The following TSHZ2 variants were observed in gnomAD, a reference collection of about 807,000 sequenced individuals.
TSHZ2 encodes the protein teashirt homolog 2.
Under a neutral mutation model 74.4 loss-of-function variants are expected in TSHZ2, and 21 were observed. The ratio of observed to expected loss-of-function variants is 0.28; its 90% confidence interval spans 0.20 to 0.41. TSHZ2 has a LOEUF of 0.41. TSHZ2 is among the 10% of genes least tolerant of loss of function. The probability of loss-of-function intolerance (pLI) is 1.00; values close to 1 mark genes in which losing one functional copy is unlikely to be tolerated. For missense variants in TSHZ2, 1,244 were observed against 1,293.5 expected (o/e 0.96, Z 0.59); for synonymous variants, 540 against 515.3 (o/e 1.05, Z -0.65).
intron 1 of TSHZ2, among the ~76,000 whole-genome samples, chr20:53,063,777 C>T (rs1984893191): frequency 3.3e-5 from 5 of 152,044 alleles, no homozygotes; most frequent in South Asian, 2.1e-4. Flanking sequence ...TGTCAGCAAC[C>T]GAATATTTGG....
intron 2 of TSHZ2, among the ~76,000 whole-genome samples, chr20:53,390,405 T>A (rs1182765215): frequency 6.6e-6 from 1 of 152,146 alleles, no homozygotes; most frequent in Non-Finnish European, 1.5e-5. Context: ...TAGGACATAT[T>A]CCAAGAGCCA....
intron 1 of TSHZ2, among the ~76,000 whole-genome samples, chr20:53,227,355 G>A (rs1600753457): frequency 6.6e-6 from 1 of 151,956 alleles, no homozygotes; most frequent in Admixed American, 6.6e-5. Context: ...GCACACAATG[G>A]CAAGCGTTCT....
intron 1 of TSHZ2, among the ~76,000 whole-genome samples, chr20:53,241,000 A>G (rs945323870): frequency 6.6e-6 from 1 of 152,142 alleles, no homozygotes; most frequent in African/African-American, 2.4e-5. Flanking sequence ...GTCTTCCCCA[A>G]CTTTCCTGTC....
At chr20:53,343,060 G>A (rs1177589477) in intron 2 of TSHZ2, among the ~76,000 whole-genome samples, 6 of 139,564 alleles carry the variant, frequency 4.3e-5, no homozygotes, top group African/African-American at 1.1e-4. Flanking sequence ...TCCGCCTCCC[G>A]GGTTCAAGCG....
chr20:53,422,467 A>T (rs535494688), intron 2 of TSHZ2, among the ~76,000 whole-genome samples: 1 of 152,154 alleles, frequency 6.6e-6, no homozygotes, highest in African/African-American at 2.4e-5. Context: ...GAAAGGAAAA[A>T]CTCACAGCAA....
In TSHZ2 at chr20:53,036,778, T is replaced by C. The variant is rs573534320; in HGVS notation, c.40+63445T>C. Among the ~76,000 whole-genome samples the C allele has an allele frequency of 4.5e-4, 66 of 148,238 alleles. 1 individual carries two copies. In the South Asian group the frequency reaches 0.012, roughly 28 times the overall value. ...TATATTACATAAAGTATATATTATATATTTTAAAAGCATGTAACAATACAT... is the reference window on the plus strand; with the variant it reads ...TATATTACATAAAGTATATATTATACATTTTAAAAGCATGTAACAATACAT... On this transcript the variant is annotated intron_variant, in intron 1 of 2. Transcript: ENST00000371497.
At chr20:53,478,512 TAGGGTGG>T (rs1287362157) in intron 2 of TSHZ2, among the ~76,000 whole-genome samples, 3 of 78,356 alleles carry the variant, frequency 3.8e-5, no homozygotes, top group African/African-American at 1.5e-4. Flanking sequence ...GGGACTGTTG[TAGGGTGG>T]GGGGAGGGGG....
chr20:53,083,822 TGAA>T (rs1308891582), intron 1 of TSHZ2, among the ~76,000 whole-genome samples: 7 of 151,616 alleles, frequency 4.6e-5, no homozygotes, highest in African/African-American at 1.7e-4. Flanking sequence ...ATTGATAACT[TGAA>T]GAGGGAATGT....
At chr20:53,483,983 G>A (rs1025017206) in intron 2 of TSHZ2, among the ~76,000 whole-genome samples, 2 of 152,178 alleles carry the variant, frequency 1.3e-5, no homozygotes, top group Admixed American at 6.5e-5. Context: ...GGCCTGGTGT[G>A]AAACAGTCCT....
rs79436552 is a variant in TSHZ2, at chr20:53,251,183, A to G, written c.41-2316A>G. The stretch of plus-strand genomic sequence containing the variant: ...TTACGTTACCCACAGGTGTTGTCAC[A>G]TGTCTTAGTTGGCCTGGAACATCCT... On this transcript the variant is annotated intron_variant, in intron 1 of 2. Transcript: ENST00000371497. Among the ~76,000 whole-genome samples the G allele has an allele frequency of 5.3e-3, 807 of 152,248 alleles. 13 individuals are homozygous for G. The highest frequency in any genetic ancestry group is 0.019 in the African/African-American group (772 of 41,524).
intron 1 of TSHZ2, among the ~76,000 whole-genome samples, chr20:53,050,109 A>ATATATATATATATACACATATATATATG (rs1984380447): frequency 5.2e-5 from 5 of 95,534 alleles, no homozygotes; most frequent in African/African-American, 3.9e-4. Flanking sequence ...GTGTGTATAT[A>ATATATATATATATACACATATATATATG]TATATATATA....
intron 1 of TSHZ2, among the ~76,000 whole-genome samples, chr20:53,225,119 T>G (rs1408454944): frequency 6.6e-6 from 1 of 152,234 alleles, no homozygotes; most frequent in Non-Finnish European, 1.5e-5. Flanking sequence ...AAGATTTTAT[T>G]AGTGAAAACA....
chr20:53,255,614 C>G lies in TSHZ2; in HGVS notation c.2156C>G (p.Ser719Cys), dbSNP rs766478292. 8 of 1,583,594 alleles carry G rather than the reference C, an allele frequency of 5.1e-6. No homozygotes were observed. Among genetic ancestry groups the G allele is most frequent in the South Asian group, 1.2e-5 (1 of 85,114 alleles). Residue 719 changes from serine to cysteine, a missense_variant, in exon 2 of 3, where the codon TCC (serine) becomes TGC (cysteine). Around this residue, in one of 6 missense-constraint regions of TSHZ2, gnomAD observed 562 missense variants for 544.0 expected, o/e 1.03. Transcript: ENST00000371497. This position sits in a 1 kb window ranked among gnomAD's most constrained non-coding sequence, Gnocchi z 4.1. ...ATEPLRSPSCSSPSSSTISMF... is the reference protein window; with the variant it reads ...ATEPLRSPSCCSPSSSTISMF... ...GAGCCCTTGCGCTCACCTTCCTGCTCCAGCCCAAGTTCAAGCACAATTTCC... is the reference window on the plus strand; with the variant it reads ...GAGCCCTTGCGCTCACCTTCCTGCTGCAGCCCAAGTTCAAGCACAATTTCC...
At chr20:53,084,128 C>A (rs911663245) in intron 1 of TSHZ2, among the ~76,000 whole-genome samples, 2 of 152,112 alleles carry the variant, frequency 1.3e-5, no homozygotes, top group Middle Eastern at 3.4e-3. Context: ...AATTTTATAA[C>A]CCAGGAAAAG....
At chr20:53,038,900 G>GTTTTTTTTTTTT (rs748995371) in intron 1 of TSHZ2, among the ~76,000 whole-genome samples, 1 of 143,526 alleles carries the variant, frequency 7.0e-6, no homozygotes, top group African/African-American at 2.8e-5. Context: ...TTGTTTGTTT[G>GTTTTTTTTTTTT]TTTGTTTGTT....
intron 1 of TSHZ2, among the ~76,000 whole-genome samples, chr20:53,096,508 G>T (rs914002928): frequency 9.2e-5 from 14 of 152,126 alleles, no homozygotes; most frequent in Non-Finnish European, 1.6e-4. Context: ...TAGCAAAGGG[G>T]CAGGCGTGAG....
chr20:53,305,611 G>T (rs931099553), intron 2 of TSHZ2, among the ~76,000 whole-genome samples: 1 of 152,186 alleles, frequency 6.6e-6, no homozygotes, highest in African/African-American at 2.4e-5. Context: ...ACAAGGAGGT[G>T]CTTTGATCTC....
intron 1 of TSHZ2, among the ~76,000 whole-genome samples, chr20:53,104,138 C>T (rs185220434): frequency 6.6e-5 from 10 of 152,010 alleles, no homozygotes; most frequent in Admixed American, 2.0e-4. Context: ...GATCTGCTGG[C>T]TGCTGGGGAC....
intron 1 of TSHZ2, among the ~76,000 whole-genome samples, chr20:53,087,787 TAC>T (rs1985744649): frequency 6.6e-6 from 1 of 152,240 alleles, no homozygotes; most frequent in Non-Finnish European, 1.5e-5. Flanking sequence ...GGCTGTGTAG[TAC>T]CTCTGCTTCT....
Sources: gnomAD v4.1 joint callset for allele counts (sites outside exome capture counted in the v4.1 genomes callset) on GRCh38, gnomAD v4.1.1 for gene constraint, gnomAD v4.1.1 regional missense constraint, Gnocchi (gnomAD v3.1) non-coding constraint, MANE v1.5 for transcripts, NCBI Gene and HGNC (gene_info 2026-07-23, HGNC 2026-07-21) for gene names.